ZNF91: variants seen among roughly 807,000 people sequenced by gnomAD.
The protein encoded by ZNF91 is zinc finger protein 91, also known as zinc finger protein 91 (HPF7, HTF10).
In ZNF91, 7 loss-of-function variants were observed where a neutral mutation model predicts 12.6. The ratio of observed to expected loss-of-function variants is 0.55; its 90% CI spans 0.31 to 1.04. ZNF91 has a LOEUF of 1.04. Among genes scored for constraint, ZNF91 ranks in the 50% least tolerant of loss-of-function variants. ZNF91 has a pLI of 0.05. For synonymous variants in ZNF91, 453 were observed against 462.6 expected (o/e 0.98, Z 0.27); for missense variants, 1,217 against 1,385.4 (o/e 0.88, Z 1.93).
At chr19:23,366,779 T>C (rs1324593006) in intron 3 of ZNF91, among the ~76,000 whole-genome samples, 1 of 152,224 alleles carries the variant, frequency 6.6e-6, no homozygotes, top group African/African-American at 2.4e-5. Context: ...TCATAAGGAC[T>C]CTGCCCCATG....
rs296092 is a variant in ZNF91 at position 23,362,202 on chromosome 19, G to T, written c.777C>A (p.Ile259=). 2 of 1,612,424 alleles carry T rather than the reference G, an allele frequency of 1.2e-6. No homozygotes were observed. The highest frequency in any genetic ancestry group is 2.2e-5 in the East Asian group (1 of 44,742). Reference sequence around the variant, plus strand: ...ACTTGTAGATTTTCTCTTTAGCACAGATTATTTTATGTGTAGTAAGGGTTG... The same window carrying T: ...ACTTGTAGATTTTCTCTTTAGCACATATTATTTTATGTGTAGTAAGGGTTG... ...QLSTLTTHKI[I]CAKEKIYKCE... is the part of the protein sequence containing the mutation. Residue 259 remains isoleucine (I), a synonymous_variant, in exon 4 of 4, where the codon ATC becomes ATA. Coordinates refer to ENST00000300619, the MANE Select transcript of ZNF91 (RefSeq NM_003430.4).
intron 1 of ZNF91, among the ~76,000 whole-genome samples, chr19:23,388,302 C>T (rs1418724664): frequency 6.6e-6 from 1 of 151,782 alleles, no homozygotes; most frequent in Non-Finnish European, 1.5e-5. Flanking sequence ...CATGGAATAC[C>T]GTGTGGTCAT....
At chr19:23,331,353 T>A (rs1305274252) in intron 1 of ZNF91, among the ~76,000 whole-genome samples, 1 of 152,232 alleles carries the variant, frequency 6.6e-6, no homozygotes, top group Non-Finnish European at 1.5e-5. Flanking sequence ...TGAGTTTACT[T>A]CAGAGAAATT....
intron 1 of ZNF91, among the ~76,000 whole-genome samples, chr19:23,378,525 C>G (rs1969585609): frequency 6.6e-6 from 1 of 152,092 alleles, no homozygotes; most frequent in Non-Finnish European, 1.5e-5. Flanking sequence ...AGCCCCACTG[C>G]CCTTTCAATT....
At chr19:23,350,406 A>G (rs766195916) in intron 3 of ZNF91, among the ~76,000 whole-genome samples, 3 of 152,150 alleles carry the variant, frequency 2.0e-5, no homozygotes, top group Non-Finnish European at 4.4e-5. Context: ...AAAGCCATTA[A>G]AACTCTTATT....
chr19:23,392,058 C>T (rs1381248713), intron 1 of ZNF91, among the ~76,000 whole-genome samples: 5 of 152,138 alleles, frequency 3.3e-5, no homozygotes, highest in Non-Finnish European at 7.3e-5. Context: ...TCCTTTCAGA[C>T]AATAAATATA....
At chr19:23,333,131 A>G (rs1967953523) in intron 1 of ZNF91, among the ~76,000 whole-genome samples, 2 of 152,126 alleles carry the variant, frequency 1.3e-5, no homozygotes, top group Non-Finnish European at 2.9e-5. Flanking sequence ...TTTTAACCTC[A>G]CTGGAAGTGC....
At chr19:23,333,455 A>G (rs1166872044) in intron 1 of ZNF91, among the ~76,000 whole-genome samples, 1 of 152,106 alleles carries the variant, frequency 6.6e-6, no homozygotes, top group African/African-American at 2.4e-5. Flanking sequence ...AGCCTCTGGG[A>G]GGTATTATTT....
chr19:23,390,593 A>T (rs994615535), intron 1 of ZNF91, among the ~76,000 whole-genome samples: 2 of 152,074 alleles, frequency 1.3e-5, no homozygotes, highest in African/African-American at 4.8e-5. Flanking sequence ...CCTGACCTCA[A>T]GGGATCCACC....
chr19:23,348,300 T>C (rs1968279549), intron 3 of ZNF91, among the ~76,000 whole-genome samples: 1 of 152,210 alleles, frequency 6.6e-6, no homozygotes, highest in Non-Finnish European at 1.5e-5. Context: ...TCAGGGACCC[T>C]GAACGGAGGG....
chr19:23,351,866 G>A (rs1968376414), intron 3 of ZNF91, among the ~76,000 whole-genome samples: 1 of 152,140 alleles, frequency 6.6e-6, no homozygotes, highest in Admixed American at 6.5e-5. Context: ...ATACAGGGTG[G>A]AGGAGGCAGT....
chr19:23,315,242 A>G (rs1967535046), upstream of ZNF91, among the ~76,000 whole-genome samples: 1 of 152,160 alleles, frequency 6.6e-6, no homozygotes, highest in South Asian at 2.1e-4. Flanking sequence ...GTATTGTGAC[A>G]TATGGCTGGG....
At chr19:23,333,134 G>A (rs900371648) in intron 1 of ZNF91, among the ~76,000 whole-genome samples, 5 of 152,116 alleles carry the variant, frequency 3.3e-5, no homozygotes, top group African/African-American at 1.2e-4. Flanking sequence ...TAACCTCACT[G>A]GAAGTGCTGA....
Position 23,361,202 on chromosome 19 carries a change from T to C in ZNF91, c.1777A>G (p.Lys593Glu). The change falls in exon 4 of 4, where the codon AAG becomes GAG. Residue 593 changes from lysine to glutamate, a missense_variant. Lys to Glu is a moderately conservative substitution (Grantham distance 56). Transcript: ENST00000300619. ...FNHSSSLSTH[K>E]IIHTGEKSYK... ...GACTTCTCTCCAGTATGAATTATCT[T>C]ATGTGTAGAAAGACTTGAGGAATGA... is the stretch of plus-strand genomic sequence containing the variant. 1 of 1,613,660 alleles carries C rather than the reference T, an allele frequency of 6.2e-7. No individual in the cohort carries two copies. Among genetic ancestry groups the C allele is most frequent in the Non-Finnish European group, 8.5e-7 (1 of 1,179,794 alleles).
At chr19:23,353,569 A>G (rs1968418101), downstream of ZNF91, among the ~76,000 whole-genome samples, 1 of 152,104 alleles carries the variant, frequency 6.6e-6, no homozygotes, top group Non-Finnish European at 1.5e-5. Flanking sequence ...AACAAACCAA[A>G]CCGAAACCCA....
chr19:23,328,922 A>G (rs1469594284), intron 1 of ZNF91: 1 of 152,140 alleles, frequency 6.6e-6, no homozygotes, highest in Non-Finnish European at 1.5e-5. Flanking sequence ...TGAACAGGGC[A>G]TGTTCCCTAC....
intron 1 of ZNF91, among the ~76,000 whole-genome samples, chr19:23,316,905 C>A (rs1396567381): frequency 1.3e-5 from 2 of 152,156 alleles, no homozygotes; most frequent in Non-Finnish European, 2.9e-5. Flanking sequence ...TTCACCCTTA[C>A]ACGTGGACAG....
downstream of ZNF91, among the ~76,000 whole-genome samples, chr19:23,354,754 A>G (rs1968446718): frequency 6.6e-6 from 1 of 152,180 alleles, no homozygotes; most frequent in Non-Finnish European, 1.5e-5. Flanking sequence ...TAGAACTGAT[A>G]AAACAATTCA....
At chr19:23,313,185 G>A (rs1967498883), upstream of ZNF91, among the ~76,000 whole-genome samples, 1 of 152,230 alleles carries the variant, frequency 6.6e-6, no homozygotes, top group South Asian at 2.1e-4. Context: ...CTTTCCTACA[G>A]GTGTAAATGT....
Sources: gnomAD v4.1 joint callset for allele counts (sites outside exome capture counted in the v4.1 genomes callset) on GRCh38, gnomAD v4.1.1 for gene constraint, MANE v1.5 for transcripts, NCBI Gene and HGNC (gene_info 2026-07-23, HGNC 2026-07-21) for gene names.